The following CAPN2 variants were observed in gnomAD, a reference collection of about 807,000 sequenced individuals.
CAPN2 encodes calpain 2.
Under a neutral mutation model 102.3 loss-of-function variants are expected in CAPN2, and 92 were observed. The ratio of observed to expected loss-of-function variants is 0.90; its 90% CI spans 0.76 to 1.07. The LOEUF (loss-of-function observed/expected upper bound fraction) is 1.07. Ranked by LOEUF, CAPN2 falls within the 50% of genes least tolerant of loss-of-function variation. The pLI, the probability that CAPN2 is intolerant of heterozygous loss-of-function variation, is 0.00. For synonymous variants in CAPN2, 340 were observed against 355.4 expected (o/e 0.96, Z 0.49); for missense variants, 800 against 909.4 (o/e 0.88, Z 1.55).
intron 20 of CAPN2, 65 bp downstream of exon 20, chr1:223,772,304 T>TA: frequency 2.9e-6 from 4 of 1,381,300 alleles, no homozygotes; most frequent in Admixed American, 1.7e-5. Flanking sequence ...AAAGGGCTGT[T>TA]ACTTGAGTGA....
chr1:223,733,890 C>G (rs1310250886), intron 2 of CAPN2, among the ~76,000 whole-genome samples: 2 of 152,218 alleles, frequency 1.3e-5, no homozygotes, highest in Non-Finnish European at 2.9e-5. Flanking sequence ...GAATGCTCAT[C>G]TGCCATAGGC....
At chr1:223,705,566 A>G (rs1659585363) in intron 1 of CAPN2, among the ~76,000 whole-genome samples, 2 of 152,210 alleles carry the variant, frequency 1.3e-5, no homozygotes, top group Non-Finnish European at 2.9e-5. Flanking sequence ...GTTTCTGCTT[A>G]GTAAGCTCCC....
At chr1:223,766,559 C>T (rs1378442815) in intron 16 of CAPN2, 128 bp downstream of exon 16, 12 of 750,416 alleles carry the variant, frequency 1.6e-5, no homozygotes, top group East Asian at 5.2e-5. Context: ...GAGTTGCTGT[C>T]GGACAGTCAG....
At chr1:223,766,639 C>G (rs553813072) in intron 16 of CAPN2, among the ~76,000 whole-genome samples, 23 of 152,192 alleles carry the variant, frequency 1.5e-4, no homozygotes, top group African/African-American at 3.6e-4. Context: ...CTACACCCCC[C>G]CTCCCACCTA....
rs28370165 is a variant in CAPN2 at position 223,769,730 on chromosome 1, C to A, written c.1756-111C>A. The A allele has an allele frequency of 5.8e-5, 46 of 797,578 alleles. No homozygotes were observed. In the African/African-American group the frequency reaches 7.3e-4, roughly 13 times the overall value. The allele number at this position is 797,578 out of a possible 1,614,324, so 49.4% of individuals were successfully genotyped here. A position where few individuals can be genotyped will look rare whatever the true frequency, so the allele number is the denominator to read the frequency against. ...AGCAGGAAAAGGATCCTTCTGCAAA[C>A]CCTCCTTGTGTATATGCTATGATAT... On this transcript the variant is annotated intron_variant, in intron 16 of 20. Coordinates refer to ENST00000295006, the MANE Select transcript of CAPN2 (RefSeq NM_001748.5).
intron 2 of CAPN2, among the ~76,000 whole-genome samples, chr1:223,719,215 A>T (rs1490074797): frequency 3.3e-5 from 5 of 152,336 alleles, no homozygotes; most frequent in Non-Finnish European, 7.3e-5. Context: ...GAATTGATGG[A>T]AACTTTGACC....
At position 223,725,117 on chromosome 1, in the gene CAPN2, A is replaced by G. The variant is rs1660155235; in HGVS notation, c.307+7286A>G. Among the ~76,000 whole-genome samples the G allele has an allele frequency of 6.6e-6, 1 of 152,190 alleles. No homozygotes were observed. Among genetic ancestry groups the G allele is most frequent in the African/African-American group, 2.4e-5 (1 of 41,448 alleles). On this transcript the variant is annotated intron_variant, in intron 2 of 20. Coordinates refer to ENST00000295006, the MANE Select transcript of CAPN2 (RefSeq NM_001748.5). This position sits in a 1 kb window ranked among gnomAD's most constrained non-coding sequence, Gnocchi z 4.1. ...TTTTGAGTGGATCACTATCCTCTTC[A>G]CACCTCAGTTTCCTCATCCGTGAAA...
intron 2 of CAPN2, among the ~76,000 whole-genome samples, chr1:223,721,525 G>C (rs981848448): frequency 6.6e-6 from 1 of 152,174 alleles, no homozygotes; most frequent in Middle Eastern, 3.2e-3. Context: ...GGCTGCCAAG[G>C]CTGTTGAAAC....
chr1:223,720,404 C>T (rs1423038097), intron 2 of CAPN2, among the ~76,000 whole-genome samples: 1 of 150,738 alleles, frequency 6.6e-6, no homozygotes, highest in African/African-American at 2.5e-5. Flanking sequence ...CAGCCTTGGC[C>T]TCCTGGGCTC....
intron 1 of CAPN2, among the ~76,000 whole-genome samples, chr1:223,707,179 T>C (rs1028326493): frequency 3.3e-5 from 5 of 151,992 alleles, no homozygotes; most frequent in African/African-American, 9.7e-5. Flanking sequence ...AAAATACTAC[T>C]GAAAAAGATT....
chr1:223,763,138 A>C (rs973904470), intron 14 of CAPN2, among the ~76,000 whole-genome samples: 1 of 151,922 alleles, frequency 6.6e-6, no homozygotes, highest in African/African-American at 2.4e-5. Context: ...CCTGTTCTTA[A>C]AAAAATCCCT....
chr1:223,774,806 G>GCTGA, intron 20 of CAPN2, 28 bp from the exon 21 acceptor site: 1 of 1,609,932 alleles, frequency 6.2e-7, no homozygotes. Context: ...TGGTCACTGA[G>GCTGA]CTGACTTTTT....
chr1:223,705,984 T>C (rs1052306600), intron 1 of CAPN2, among the ~76,000 whole-genome samples: 1 of 152,208 alleles, frequency 6.6e-6, no homozygotes, highest in African/African-American at 2.4e-5. Flanking sequence ...CCCACACTTA[T>C]AAGACTACAT....
intron 6 of CAPN2, 138 bp downstream of exon 6, chr1:223,749,260 C>G: frequency 1.4e-6 from 1 of 711,582 alleles, no homozygotes; most frequent in Non-Finnish European, 2.4e-6. Context: ...CCTGAAGTTC[C>G]GCGCGGGAGG....
In CAPN2 at chr1:223,766,390, T is replaced by G; in HGVS notation, c.1714T>G (p.Phe572Val). 2 of 1,614,006 alleles carry G rather than the reference T, an allele frequency of 1.2e-6. No homozygotes were observed. The highest frequency in any genetic ancestry group is 1.7e-6 in the Non-Finnish European group (2 of 1,179,832). The change falls in exon 16 of 21, where the codon TTC (phenylalanine) becomes GTC (valine). Residue 572 changes from phenylalanine (F) to valine (V), a missense_variant. Phe to Val is a conservative substitution (Grantham distance 50). Coordinates refer to ENST00000295006, the MANE Select transcript of CAPN2 (RefSeq NM_001748.5). The stretch of plus-strand genomic sequence containing the variant: ...AGGCCAAGATATCAAGTCAGATGGC[T>G]TCAGCATCGAGACATGCAAAATTAT... Reference protein sequence around the residue: ...AKRQDIKSDGFSIETCKIMVD... With the variant: ...AKRQDIKSDGVSIETCKIMVD...
In CAPN2 at chr1:223,749,128, G is replaced by T. The variant is rs757037832; in HGVS notation, c.813+6G>T. 6.2e-7 allele frequency: 1 copy of T among 1,613,498 alleles called. No homozygotes were observed. Among genetic ancestry groups the T allele is most frequent in the Non-Finnish European group, 8.5e-7 (1 of 1,179,450 alleles). On this transcript the variant is annotated splice_donor_region_variant and intron_variant, in intron 6 of 20. Coordinates refer to ENST00000295006, the MANE Select transcript of CAPN2 (RefSeq NM_001748.5). ...CGGTCACCGGAGCCGAGGAGGTAACGGCCGGCGCGGATGTGCAGGGGTCCT... is the reference window on the plus strand; with the variant it reads ...CGGTCACCGGAGCCGAGGAGGTAACTGCCGGCGCGGATGTGCAGGGGTCCT...
At chr1:223,712,375 A>G, upstream of CAPN2, 1 of 904,198 alleles carries the variant, frequency 1.1e-6, no homozygotes, top group Non-Finnish European at 1.3e-6. Context: ...CTGTCCGCAG[A>G]TGGCAGCACC....
chr1:223,708,092 T>A (rs894277956), upstream of CAPN2, among the ~76,000 whole-genome samples: 4 of 152,226 alleles, frequency 2.6e-5, no homozygotes, highest in African/African-American at 9.6e-5. Context: ...GATGGCTTCA[T>A]GAAACCCTTG....
chr1:223,707,771 C>T (rs1472968514), upstream of CAPN2, among the ~76,000 whole-genome samples: 1 of 152,198 alleles, frequency 6.6e-6, no homozygotes, highest in Non-Finnish European at 1.5e-5. Context: ...GGCTCTTCTG[C>T]TCCCAGGCTG....
Sources: gnomAD v4.1 joint callset for allele counts (sites outside exome capture counted in the v4.1 genomes callset) on GRCh38, gnomAD v4.1.1 for gene constraint, Gnocchi (gnomAD v3.1) non-coding constraint, MANE v1.5 for transcripts, NCBI Gene and HGNC (gene_info 2026-07-23, HGNC 2026-07-21) for gene names.